Variants in SEMA3F observed in about 807,000 individuals in gnomAD.
The protein encoded by SEMA3F is semaphorin-3F.
A neutral mutation model predicts 98.5 loss-of-function variants in SEMA3F; 30 were observed. That is an observed-to-expected ratio of 0.30 (90% CI 0.23 to 0.41). The LOEUF is 0.41. Ranked by LOEUF, SEMA3F falls within the 10% of genes least tolerant of loss-of-function variation. SEMA3F has a pLI of 1.00. For missense variants in SEMA3F, 866 were observed against 1,119.3 expected (o/e 0.77, Z 3.23); for synonymous variants, 380 against 444.8 (o/e 0.85, Z 1.83).
chr3:50,184,939 C>A, intron 13 of SEMA3F, 125 bp downstream of exon 13: 1 of 694,144 alleles, frequency 1.4e-6, no homozygotes, highest in Non-Finnish European at 2.4e-6. Context: ...TCTTCATCCT[C>A]ATCCTTTGGT....
chr3:50,168,213 G>A (rs1226533285), intron 2 of SEMA3F, among the ~76,000 whole-genome samples: 1 of 152,030 alleles, frequency 6.6e-6, no homozygotes, highest in Admixed American at 6.5e-5. Flanking sequence ...GATCTCCAGG[G>A]GCTTAGGGTC....
chr3:50,155,305 C>T, upstream of SEMA3F: 1 of 314,044 alleles, frequency 3.2e-6, no homozygotes, highest in Non-Finnish European at 5.8e-6. This position sits in a 1 kb window ranked among gnomAD's most constrained non-coding sequence, Gnocchi z 4.9. Context: ...CCGCAGCCCA[C>T]CCCAGGGGAG....
intron 12 of SEMA3F, 40 bp downstream of exon 12, chr3:50,183,604 T>A (rs1436586939): frequency 6.2e-7 from 1 of 1,603,862 alleles, no homozygotes; most frequent in African/African-American, 1.3e-5. Context: ...CTTTCTCTTC[T>A]TCTAAGAGGC....
chr3:50,174,453 C>G (rs1454069232), intron 5 of SEMA3F, 103 bp downstream of exon 5: 1 of 1,401,724 alleles, frequency 7.1e-7, no homozygotes, highest in African/African-American at 1.4e-5. Flanking sequence ...CACTTCCGAG[C>G]CTTTTGACCT....
chr3:50,188,106 G>A lies in SEMA3F; in HGVS notation c.2349G>A (p.Pro783=), dbSNP rs767035862. The A allele has an allele frequency of 3.1e-5, 47 of 1,515,302 alleles. No individual in the cohort carries two copies. The highest frequency in any genetic ancestry group is 4.0e-5 in the Non-Finnish European group (45 of 1,133,170). 93.9% of individuals were successfully genotyped at this position (1,515,302 alleles called of 1,614,324 possible). The change falls in exon 19 of 19, where the codon CCG becomes CCA. Residue 783 remains proline, a synonymous_variant. Coordinates refer to ENST00000002829, the MANE Select transcript of SEMA3F (RefSeq NM_004186.5). The surrounding 1 kb of genome is among the most constrained non-coding windows in gnomAD (Gnocchi z 4.5). Reference sequence around the variant, plus strand: ...CCCGGAACCGCCGGCACCACCCTCCGGACACATGAGGCCAGCTGCCTGTGC... The same window carrying A: ...CCCGGAACCGCCGGCACCACCCTCCAGACACATGAGGCCAGCTGCCTGTGC... ...KKPRNRRHHP[P]DT
rs1698840620 is a variant in SEMA3F at position 50,176,974 on chromosome 3, GA to G, written c.643+115del. On this transcript the variant is annotated intron_variant, in intron 7 of 18. Coordinates refer to ENST00000002829, the MANE Select transcript of SEMA3F (RefSeq NM_004186.5). ...CAGAGACCATGACTAGGCTGTCCCTGAACTCCCCAAAAGGCCCCACCTGGCA... is the reference window on the plus strand; with the variant it reads ...CAGAGACCATGACTAGGCTGTCCCTGACTCCCCAAAAGGCCCCACCTGGCA... The G allele has an allele frequency of 1.7e-5, 15 of 881,546 alleles. No individual in the cohort carries two copies. In the East Asian group the frequency reaches 3.9e-4, roughly 23 times the overall value. 54.6% of individuals were successfully genotyped at this position (881,546 alleles called of 1,614,324 possible).
In SEMA3F at chr3:50,158,115, C is replaced by T. The variant is rs1559716952; in HGVS notation, c.-48-1460C>T. 6.6e-6 allele frequency among the ~76,000 whole-genome samples: 1 copy of T among 152,200 alleles called. No homozygotes were observed. Among genetic ancestry groups the T allele is most frequent in the Non-Finnish European group, 1.5e-5 (1 of 68,030 alleles). ...CACCTTGAGGGTGACGGTGGCTGCA[C>T]AGCCATTTCTCCCACCTGCCCCCAC... On this transcript the variant is annotated intron_variant, in intron 1 of 18. Transcript: ENST00000002829. The surrounding 1 kb of genome is among the most constrained non-coding windows in gnomAD (Gnocchi z 4.8).
chr3:50,176,790 C>T lies in SEMA3F; in HGVS notation c.572C>T (p.Pro191Leu). 9 of 1,613,406 alleles carry T rather than the reference C, an allele frequency of 5.6e-6. No homozygotes were observed. The highest frequency in any genetic ancestry group is 7.6e-6 in the Non-Finnish European group (9 of 1,179,840). ...PRQDYIFYLE[P>L]ERLESGKGKC... ...CAGGATTACATCTTCTACCTGGAGC[C>T]TGAGCGACTCGAGTCAGGGAAGGGC... Residue 191 changes from proline to leucine, a missense_variant, in exon 7 of 19, where the codon CCT becomes CTT. Pro to Leu is a moderately conservative substitution (Grantham distance 98, BLOSUM62 -3). Transcript: ENST00000002829.
At chr3:50,183,721 C>T (rs980498924) in intron 12 of SEMA3F, 157 bp downstream of exon 12, 13 of 777,446 alleles carry the variant, frequency 1.7e-5, no homozygotes, top group Non-Finnish European at 2.2e-5. Context: ...CACACAGTGT[C>T]AAGCTGTGGA....
At position 50,182,430 on chromosome 3, in the gene SEMA3F, G is replaced by T. The variant is rs776564904; in HGVS notation, c.763+27G>T. 1 of 1,611,958 alleles carries T rather than the reference G, an allele frequency of 6.2e-7. No individual in the cohort carries two copies. Among genetic ancestry groups the T allele is most frequent in the Admixed American group, 1.7e-5 (1 of 60,012 alleles). On this transcript the variant is annotated intron_variant, in intron 8 of 18. Transcript: ENST00000002829. The surrounding 1 kb of genome is among the most constrained non-coding windows in gnomAD (Gnocchi z 4.5). ...TAAGCGCAGCCCCAGGAGCCCTTCC[G>T]TGGCCATGTGTCTGGGATGCGGCAA...
intron 16 of SEMA3F, 91 bp from the exon 17 acceptor site, chr3:50,186,189 GA>G: frequency 6.0e-6 from 9 of 1,492,830 alleles, no homozygotes; most frequent in South Asian, 2.4e-5. Context: ...CTGCCCTGGG[GA>G]AAAAGGGCCC....
chr3:50,156,215 A>T lies in SEMA3F; in HGVS notation c.-49+651A>T, dbSNP rs1697974957. 1 of 152,412 alleles carries T rather than the reference A, an allele frequency of 6.6e-6. No homozygotes were observed. Among genetic ancestry groups the T allele is most frequent in the Admixed American group, 6.5e-5 (1 of 15,290 alleles). 9.4% of individuals were successfully genotyped at this position (152,412 alleles called of 1,614,324 possible). ...GGTGAGCTTGGAGAGCCTGCGGTCA[A>T]TCCCTAGTTTGAACCAGGGGTCCCA... On this transcript the variant is annotated intron_variant, in intron 1 of 18. Transcript: ENST00000002829. The surrounding 1 kb of genome is among the most constrained non-coding windows in gnomAD (Gnocchi z 4.5).
chr3:50,157,940 T>G (rs1268426511), intron 1 of SEMA3F, among the ~76,000 whole-genome samples: 2 of 152,174 alleles, frequency 1.3e-5, no homozygotes, highest in African/African-American at 4.8e-5. Context: ...AGACGGCATC[T>G]TGCGCCAGGA....
At chr3:50,186,585 C>A in intron 17 of SEMA3F, 28 bp from the exon 18 acceptor site, 1 of 1,575,570 alleles carries the variant, frequency 6.3e-7, no homozygotes, top group Non-Finnish European at 8.7e-7. Flanking sequence ...GGTGATGCTG[C>A]TTTTGCTCAA....
At chr3:50,171,957 C>T (rs1176503587) in intron 2 of SEMA3F, among the ~76,000 whole-genome samples, 1 of 152,338 alleles carries the variant, frequency 6.6e-6, no homozygotes, top group South Asian at 2.1e-4. Flanking sequence ...TTTCCTTACC[C>T]ACTAGTTTCT....
rs985333083 is a variant in SEMA3F, at chr3:50,173,883, G to A, written c.203G>A (p.Arg68His). 9 of 1,613,950 alleles carry A rather than the reference G, an allele frequency of 5.6e-6. No individual in the cohort carries two copies. The highest frequency in any genetic ancestry group is 1.3e-5 in the African/African-American group (1 of 74,908). ...TTGCTCAAGGACGAGGACCACGACC[G>A]CATGTACGTGGGCAGCAAGGACTAC... ...RILLKDEDHD[R>H]MYVGSKDYVL... The change falls in exon 3 of 19, where the codon CGC becomes CAC. Residue 68 changes from arginine (R) to histidine (H), a missense_variant. By Grantham distance (29) the Arg-to-His change is conservative. This residue lies in a region of SEMA3F where 247 missense variants were observed against 276.0 expected (regional missense o/e 0.89). Coordinates refer to ENST00000002829, the MANE Select transcript of SEMA3F (RefSeq NM_004186.5).
chr3:50,186,506 A>C, intron 17 of SEMA3F, 107 bp from the exon 18 acceptor site: 1 of 1,463,346 alleles, frequency 6.8e-7, no homozygotes, highest in Non-Finnish European at 9.4e-7. Context: ...CCCCATCAAC[A>C]CAGAGCACTA....
chr3:50,173,519 G>T, intron 2 of SEMA3F: 1 of 434,222 alleles, frequency 2.3e-6, no homozygotes, highest in Non-Finnish European at 4.1e-6. Flanking sequence ...GCTGACGCCT[G>T]TAATCCCAGC....
rs1698411516 is a variant in SEMA3F, at chr3:50,166,497, A to C, written c.112+6763A>C. Among the ~76,000 whole-genome samples the C allele has an allele frequency of 6.6e-6, 1 of 152,120 alleles. No homozygotes were observed. The highest frequency in any genetic ancestry group is 1.5e-5 in the Non-Finnish European group (1 of 68,008). On this transcript the variant is annotated intron_variant, in intron 2 of 18. Transcript: ENST00000002829. The surrounding 1 kb of genome is among the most constrained non-coding windows in gnomAD (Gnocchi z 4.7). ...GCGGAGTGCTCACTGCCTGCCCTTG[A>C]CTGGCTACCTGCTGAGTCCTGCTGA... is the stretch of plus-strand genomic sequence containing the variant.
Sources: gnomAD v4.1 joint callset for allele counts (sites outside exome capture counted in the v4.1 genomes callset) on GRCh38, gnomAD v4.1.1 for gene constraint, gnomAD v4.1.1 regional missense constraint, Gnocchi (gnomAD v3.1) non-coding constraint, MANE v1.5 for transcripts, NCBI Gene and HGNC (gene_info 2026-07-23, HGNC 2026-07-21) for gene names.